TTN: variants seen among roughly 807,000 people sequenced by gnomAD.
The protein encoded by TTN is connectin.
In TTN, 1,525 loss-of-function variants were observed where a neutral mutation model predicts 3,223.0. The observed-to-expected ratio is 0.47, with a 90% CI of 0.45 to 0.49. TTN has a LOEUF of 0.49. Ranked by LOEUF, TTN falls within the 20% of genes least tolerant of loss-of-function variation. TTN has a pLI of 0.00. For missense variants in TTN, 40,786 were observed against 43,424.0 expected (o/e 0.94, Z 5.40); for synonymous variants, 14,094 against 15,161.0 (o/e 0.93, Z 5.17).
intron 8 of TTN, among the ~76,000 whole-genome samples, chr2:178,793,783 G>T (rs972182267): frequency 6.6e-6 from 1 of 152,142 alleles, no homozygotes; most frequent in African/African-American, 2.4e-5. Context: ...CTGGGTGACA[G>T]AGCGAGACTC....
Position 178,551,101 on chromosome 2 carries a change from C to T in TTN, c.91430G>A (p.Ser30477Asn). ...RWVRCNFTDV[S>N]ECQYTVTGLS... ...TCCTGTAACTGTGTACTGACATTCACTGACGTCAGTAAAGTTGCATCTCAC... is the reference window on the plus strand; with the variant it reads ...TCCTGTAACTGTGTACTGACATTCATTGACGTCAGTAAAGTTGCATCTCAC... Residue 30477 changes from serine to asparagine, a missense_variant, in exon 336 of 363, where the codon AGT becomes AAT. By Grantham distance (46) the Ser-to-Asn change is conservative. Coordinates refer to ENST00000589042, the MANE Select transcript of TTN (RefSeq NM_001267550.2). 1 of 1,613,452 alleles carries T rather than the reference C, an allele frequency of 6.2e-7. No individual in the cohort carries two copies. Among genetic ancestry groups the T allele is most frequent in the South Asian group, 1.1e-5 (1 of 91,052 alleles).
chr2:178,619,033 G>A lies in TTN; in HGVS notation c.46697-180C>T, dbSNP rs546370568. The A allele has an allele frequency of 8.1e-4, 646 of 795,422 alleles. 3 individuals carry two copies. The highest frequency in any genetic ancestry group is 7.2e-4 in the Non-Finnish European group (377 of 523,824). The allele number at this position is 795,422 out of a possible 1,614,324, so 49.3% of individuals were successfully genotyped here. A position where few individuals can be genotyped will look rare whatever the true frequency, so the allele number is the denominator to read the frequency against. On this transcript the variant is annotated intron_variant, in intron 250 of 362. Transcript: ENST00000589042. ...TCATAGCTTTTTGTTGTTGTTGTGCGTGCAAATTAGATTGGAGAGTAGAGG... is the reference window on the plus strand; with the variant it reads ...TCATAGCTTTTTGTTGTTGTTGTGCATGCAAATTAGATTGGAGAGTAGAGG...
In TTN at chr2:178,728,374, T is replaced by C. The variant is rs1425867664; in HGVS notation, c.19450A>G (p.Thr6484Ala). The C allele has an allele frequency of 6.2e-7, 1 of 1,601,796 alleles. No homozygotes were observed. Among genetic ancestry groups the C allele is most frequent in the East Asian group, 2.2e-5 (1 of 44,614 alleles). The change falls in exon 67 of 363, where the codon ACC becomes GCC. Residue 6484 changes from threonine (T) to alanine (A), a missense_variant. Thr to Ala is a moderately conservative substitution (Grantham distance 58). Transcript: ENST00000589042. ...TTATCCATTTTGGTTAATTTTTTGG[T>C]GAATGATGGAGGAATATTTTGATCT... is the stretch of plus-strand genomic sequence containing the variant. ...VLDQNIPPSF[T>A]KKLTKMDKVL...
chr2:178,693,700 T>G lies in TTN; in HGVS notation c.31514-11A>C. The G allele has an allele frequency of 1.3e-6, 2 of 1,579,254 alleles. No individual in the cohort carries two copies. The highest frequency in any genetic ancestry group is 1.7e-6 in the Non-Finnish European group (2 of 1,157,032). ...TTTGTACCTCGGGGACTTAAAAAAA[T>G]GTACATTTTAATTACTGATATGCCA... On this transcript the variant is annotated splice_polypyrimidine_tract_variant and intron_variant, in intron 118 of 362. Coordinates refer to ENST00000589042, the MANE Select transcript of TTN (RefSeq NM_001267550.2).
intron 159 of TTN, among the ~76,000 whole-genome samples, chr2:178,669,104 T>C (rs1161460488): frequency 6.6e-6 from 1 of 152,170 alleles, no homozygotes; most frequent in Non-Finnish European, 1.5e-5. Flanking sequence ...GACACTTGTA[T>C]ACAGAATAGG....
chr2:178,802,675 C>A (rs1311327184), intron 2 of TTN, among the ~76,000 whole-genome samples: 1 of 152,190 alleles, frequency 6.6e-6, no homozygotes, highest in African/African-American at 2.4e-5. Flanking sequence ...ACATTAAAAT[C>A]ATGAAAGGGA....
rs371030086 is a variant in TTN, at chr2:178,575,315, A to G, written c.70817T>C (p.Met23606Thr). 58 of 1,613,512 alleles carry G rather than the reference A, an allele frequency of 3.6e-5. No individual in the cohort carries two copies. The African/African-American group carries it at 6.5e-4, about 18-fold the overall frequency. Residue 23606 changes from methionine to threonine, a missense_variant, in exon 326 of 363, where the codon ATG becomes ACG. By Grantham distance (81) the Met-to-Thr change is moderately conservative. Transcript: ENST00000589042. The surrounding 1 kb of genome is among the most constrained non-coding windows in gnomAD (Gnocchi z 4.0). ...ACTTCTCCCCGCGCTGTTCACTGCC[A>G]TCACTTGGAAGGTATATTCCTCTCC... is the stretch of plus-strand genomic sequence containing the variant. The part of the protein sequence containing the change: ...TEGEEYTFQV[M>T]AVNSAGRSAP...
intron 240 of TTN, among the ~76,000 whole-genome samples, chr2:178,626,395 A>T (rs1363630470): frequency 6.6e-6 from 1 of 151,916 alleles, no homozygotes; most frequent in East Asian, 1.9e-4. Context: ...AAGATAAGAG[A>T]CTTGGGGGTT....
chr2:178,598,716 A>AT, intron 291 of TTN, 32 bp downstream of exon 291: 1 of 1,602,980 alleles, frequency 6.2e-7, no homozygotes, highest in Non-Finnish European at 8.5e-7. Flanking sequence ...GGAAAATAAG[A>AT]TTTAAAAAAA....
chr2:178,610,555 A>G (rs985937008), intron 270 of TTN, among the ~76,000 whole-genome samples, 166 bp from the exon 271 acceptor site: 3 of 151,912 alleles, frequency 2.0e-5, no homozygotes, highest in Admixed American at 6.6e-5. Flanking sequence ...CCCAACTACT[A>G]AATGTCAGTG....
In TTN at chr2:178,799,714, A is replaced by G. The variant is rs376527094; in HGVS notation, c.687T>C (p.Phe229=). ...CAACTGTTGCAATTGATCTGGCATCAAAGTGGGCTTCAATCTTCTGTAAAA... is the reference window on the plus strand; with the variant it reads ...CAACTGTTGCAATTGATCTGGCATCGAAGTGGGCTTCAATCTTCTGTAAAA... ...TRIEKKIEAH[F]DARSIATVEM... is the part of the protein sequence containing the mutation. Residue 229 remains phenylalanine, a synonymous_variant, in exon 6 of 363, where the codon TTT becomes TTC. Transcript: ENST00000589042. 419 of 1,614,210 alleles carry G rather than the reference A, an allele frequency of 2.6e-4. No homozygotes were observed. Among genetic ancestry groups the G allele is most frequent in the Non-Finnish European group, 3.2e-4 (383 of 1,180,032 alleles).
At chr2:178,696,366 G>T in intron 113 of TTN, 97 bp from the exon 114 acceptor site, 5 of 1,021,652 alleles carry the variant, frequency 4.9e-6, no homozygotes, top group South Asian at 2.2e-5. Context: ...CAGTATTTCA[G>T]ATCTATTTTA....
Position 178,564,292 on chromosome 2 carries a change from T to C in TTN, c.81840A>G (p.Lys27280=), listed in dbSNP as rs1213714669. The stretch of plus-strand genomic sequence containing the variant: ...CATGAACAACGATGACATCTTTATA[T>C]TTTGGATCCAGAGAGGCATTTGGTG... ...IDAPNASLDP[K]YKDVIVVHAG... is the part of the protein sequence containing the mutation. The change falls in exon 326 of 363, where the codon AAA becomes AAG. Residue 27280 remains lysine, a synonymous_variant. Coordinates refer to ENST00000589042, the MANE Select transcript of TTN (RefSeq NM_001267550.2). The C allele has an allele frequency of 1.2e-6, 2 of 1,613,552 alleles. No individual in the cohort carries two copies. The highest frequency in any genetic ancestry group is 1.7e-5 in the Admixed American group (1 of 60,014).
chr2:178,704,882 T>C lies in TTN; in HGVS notation c.29689A>G (p.Thr9897Ala), dbSNP rs1051001950. 5 of 1,613,466 alleles carry C rather than the reference T, an allele frequency of 3.1e-6. No homozygotes were observed. The highest frequency in any genetic ancestry group is 4.2e-6 in the Non-Finnish European group (5 of 1,179,762). Residue 9897 changes from threonine (T) to alanine (A), a missense_variant, in exon 104 of 363, where the codon ACA becomes GCA. By Grantham distance (58) the Thr-to-Ala change is moderately conservative. Coordinates refer to ENST00000589042, the MANE Select transcript of TTN (RefSeq NM_001267550.2). ...ATCAACATAATTCTTTTTACCTCTG[T>C]CTGTGACAGTCTTTGCTGAATAAAT... ...VSFIQQRLSQTEPVTLIKDIE... is the reference protein window; with the variant it reads ...VSFIQQRLSQAEPVTLIKDIE...
chr2:178,537,307 A>G (rs540437239), intron 355 of TTN, 35 bp downstream of exon 355: 44 of 1,522,580 alleles, frequency 2.9e-5, no homozygotes, highest in Admixed American at 1.8e-4. Flanking sequence ...TTTTTTCTTT[A>G]AAAATAAAAA....
At position 178,564,774 on chromosome 2, in the gene TTN, C is replaced by T. The variant is rs1015972053; in HGVS notation, c.81358G>A (p.Val27120Ile). 11 of 1,612,094 alleles carry T rather than the reference C, an allele frequency of 6.8e-6. No individual in the cohort carries two copies. The highest frequency in any genetic ancestry group is 9.3e-6 in the Non-Finnish European group (11 of 1,178,988). Residue 27120 changes from valine (V) to isoleucine (I), a missense_variant, in exon 326 of 363, where the codon GTC (valine) becomes ATC (isoleucine). Physicochemically the swap from Val to Ile is conservative, Grantham distance 29. Coordinates refer to ENST00000589042, the MANE Select transcript of TTN (RefSeq NM_001267550.2). Reference sequence around the variant, plus strand: ...TGAATGGGGGTCTTATTTAACTTGACCCATAAAATACTGTTCTTTTCTTTC... The same window carrying T: ...TGAATGGGGGTCTTATTTAACTTGATCCATAAAATACTGTTCTTTTCTTTC... ...EQKEKNSILWVKLNKTPIQDT... is the reference protein window; with the variant it reads ...EQKEKNSILWIKLNKTPIQDT...
chr2:178,699,551 A>G (rs2074480165), intron 111 of TTN, among the ~76,000 whole-genome samples: 3 of 142,880 alleles, frequency 2.1e-5, no homozygotes, highest in Admixed American at 2.1e-4. Context: ...AGCTGGGACT[A>G]CAGGCGCCCG....
At chr2:178,691,791 C>G (rs1036305771) in intron 121 of TTN, among the ~76,000 whole-genome samples, 6 of 152,128 alleles carry the variant, frequency 3.9e-5, no homozygotes, top group African/African-American at 1.4e-4. Flanking sequence ...AGCAGTTTGA[C>G]ATAGTTACTT....
intron 8 of TTN, among the ~76,000 whole-genome samples, chr2:178,793,975 T>C (rs1046151473): frequency 1.3e-5 from 2 of 152,242 alleles, no homozygotes; most frequent in African/African-American, 4.8e-5. Context: ...AGTGTCATGT[T>C]TGTTTTGAGA....
Sources: gnomAD v4.1 joint callset for allele counts (sites outside exome capture counted in the v4.1 genomes callset) on GRCh38, gnomAD v4.1.1 for gene constraint, Gnocchi (gnomAD v3.1) non-coding constraint, MANE v1.5 for transcripts, NCBI Gene and HGNC (gene_info 2026-07-23, HGNC 2026-07-21) for gene names.